FAAH2: variants seen among roughly 807,000 people sequenced by gnomAD.
FAAH2 encodes the protein fatty acid amide hydrolase 2.
A neutral mutation model predicts 36.9 loss-of-function variants in FAAH2; 60 were observed. The ratio of observed to expected loss-of-function variants is 1.63; its 90% confidence interval spans 1.32 to 2.02. The LOEUF is 2.02. Ranked by LOEUF, FAAH2 falls within the 30% of genes most tolerant of loss-of-function variation. The pLI, the probability that FAAH2 is intolerant of heterozygous loss-of-function variation, is 0.00. For missense variants in FAAH2, 689 were observed against 397.5 expected (o/e 1.73, Z -6.23); for synonymous variants, 214 against 143.8 (o/e 1.49, Z -3.49).
intron 3 of FAAH2, among the ~76,000 whole-genome samples, chrX:57,328,247 C>A (rs1179349287): frequency 9.0e-6 from 1 of 111,427 alleles, no homozygotes; most frequent in Non-Finnish European, 1.9e-5. Context: ...CAGTCTGCCC[C>A]TACTTGGGGG....
the FAAH2 span, among the ~76,000 whole-genome samples, chrX:57,197,094 C>T: frequency 9.0e-6 from 1 of 111,315 alleles, no homozygotes; most frequent in African/African-American, 3.3e-5. Context: ...TTGTCTTTGT[C>T]AAACTGGGTT....
intron 5 of FAAH2, among the ~76,000 whole-genome samples, chrX:57,364,105 T>A (rs1360422931): frequency 9.5e-6 from 1 of 105,198 alleles, no homozygotes; most frequent in Non-Finnish European, 2.0e-5. Context: ...CCTCCTTGAC[T>A]TTTTGGAATA....
chrX:57,307,055 G>A (rs1205931897), intron 2 of FAAH2, among the ~76,000 whole-genome samples: 1 of 73,365 alleles, frequency 1.4e-5, no homozygotes, highest in South Asian at 9.7e-4. Flanking sequence ...CACCAATAGG[G>A]TTATATGCAT....
At chrX:57,181,419 C>T in the FAAH2 span, among the ~76,000 whole-genome samples, 1 of 111,341 alleles carries the variant, frequency 9.0e-6, no homozygotes, top group Non-Finnish European at 1.9e-5. Flanking sequence ...GTACAAAAAT[C>T]GCTATCGTTT....
the FAAH2 span, among the ~76,000 whole-genome samples, chrX:57,233,301 G>A: frequency 9.0e-6 from 1 of 111,199 alleles, no homozygotes; most frequent in Non-Finnish European, 1.9e-5. Flanking sequence ...GTTTTAGCTG[G>A]GCAAAATACC....
At chrX:57,399,989 A>C (rs2055393263) in intron 7 of FAAH2, among the ~76,000 whole-genome samples, 1 of 111,679 alleles carries the variant, frequency 9.0e-6, no homozygotes, top group Admixed American at 9.5e-5. Context: ...ATACAATTTG[A>C]GGTCGGAATC....
the FAAH2 span, among the ~76,000 whole-genome samples, chrX:57,154,995 G>A: frequency 1.8e-5 from 2 of 111,198 alleles, no homozygotes; most frequent in African/African-American, 6.5e-5. Context: ...TGGTACTGGG[G>A]GTTGTCTTCC....
chrX:57,158,944 C>T, the FAAH2 span, among the ~76,000 whole-genome samples: 2 of 112,169 alleles, frequency 1.8e-5, no homozygotes, highest in Non-Finnish European at 3.8e-5. Flanking sequence ...ATGGTATTGC[C>T]TAGGTTTTCT....
intron 7 of FAAH2, among the ~76,000 whole-genome samples, chrX:57,384,959 G>T (rs1421743458): frequency 2.7e-5 from 3 of 111,695 alleles, no homozygotes; most frequent in African/African-American, 9.8e-5. Context: ...CAGAAAAAAT[G>T]ATGAGTTCAT....
At chrX:57,436,335 A>T (rs1465060336) in intron 8 of FAAH2, among the ~76,000 whole-genome samples, 8 of 110,133 alleles carry the variant, frequency 7.3e-5, no homozygotes, top group Non-Finnish European at 1.9e-5. Context: ...ACTAAACCGA[A>T]AAGTGGCAGA....
chrX:57,310,530 T>C, intron 2 of FAAH2, 63 bp from the exon 3 acceptor site: 15 of 1,129,598 alleles, frequency 1.3e-5, no homozygotes, highest in Non-Finnish European at 1.8e-5. Flanking sequence ...ATGGGTATTC[T>C]TTTAATAAAG....
At chrX:57,174,876 T>C in the FAAH2 span, among the ~76,000 whole-genome samples, 1 of 111,866 alleles carries the variant, frequency 8.9e-6, no homozygotes, top group Non-Finnish European at 1.9e-5. Flanking sequence ...ATTTTATACA[T>C]TTGTATAATT....
At chrX:57,274,546 G>A in the FAAH2 span, among the ~76,000 whole-genome samples, 1 of 111,993 alleles carries the variant, frequency 8.9e-6, no homozygotes, top group African/African-American at 3.2e-5. Context: ...ACATCAAAAA[G>A]ATTATCCACT....
At chrX:57,470,285 C>A (rs763615120) in intron 10 of FAAH2, among the ~76,000 whole-genome samples, 143 of 110,970 alleles carry the variant, frequency 1.3e-3, no homozygotes, top group Non-Finnish European at 2.4e-3. Flanking sequence ...CACAAAAAAC[C>A]CTTCAAAATA....
intron 10 of FAAH2, chrX:57,452,163 A>T: frequency 1.3e-6 from 1 of 754,178 alleles, no homozygotes; most frequent in Non-Finnish European, 1.6e-6. Flanking sequence ...TGGACCATTT[A>T]TATCCTGAGA....
intron 5 of FAAH2, among the ~76,000 whole-genome samples, chrX:57,362,351 G>A (rs950137083): frequency 9.0e-5 from 10 of 110,633 alleles, no homozygotes; most frequent in South Asian, 4.0e-4. Context: ...GGGGCCTGTC[G>A]GTGGGTGGGA....
intron 4 of FAAH2, among the ~76,000 whole-genome samples, chrX:57,336,182 C>T (rs985891077): frequency 1.8e-5 from 2 of 111,395 alleles, no homozygotes; most frequent in Non-Finnish European, 3.8e-5. Context: ...TAACTGATGA[C>T]ATTGTCTTGT....
intron 5 of FAAH2, among the ~76,000 whole-genome samples, chrX:57,352,034 ATACATATATATATGTG>A (rs1314490150): frequency 0.13 from 1,347 of 10,609 alleles, 357 homozygotes; most frequent in East Asian, 0.82. Flanking sequence ...ATATATATAT[ATACATATATATATGTG>A]TATATATATA....
At chrX:57,458,066 T>C (rs189674763) in intron 10 of FAAH2, among the ~76,000 whole-genome samples, 24 of 111,381 alleles carry the variant, frequency 2.2e-4, no homozygotes, top group African/African-American at 7.8e-4. Context: ...GCTACAATAA[T>C]CAAAACAGCA....
Sources: allele counts gnomAD v4.1 joint callset (sites outside exome capture counted in the v4.1 genomes callset), GRCh38; gene constraint gnomAD v4.1.1; transcripts MANE v1.5; gene names NCBI Gene and HGNC (gene_info 2026-07-23, HGNC 2026-07-21).